The following CILK1 variants were observed in gnomAD, a reference collection of about 807,000 sequenced individuals.
CILK1 encodes the protein ciliogenesis associated kinase 1, also known as serine/threonine-protein kinase ICK.
In CILK1, 47 loss-of-function variants were observed where a neutral mutation model predicts 79.2. The observed-to-expected ratio is 0.59, with a 90% CI of 0.47 to 0.76. CILK1 has a LOEUF of 0.76. Among genes scored for constraint, CILK1 ranks in the 30% least tolerant of loss-of-function variants. The pLI, the probability that CILK1 is intolerant of heterozygous loss-of-function variation, is 0.00. For synonymous variants in CILK1, 266 were observed against 275.9 expected (o/e 0.96, Z 0.36); for missense variants, 660 against 769.5 (o/e 0.86, Z 1.68).
chr6:53,060,310 G>A (rs576635308), intron 1 of CILK1, among the ~76,000 whole-genome samples: 24 of 152,304 alleles, frequency 1.6e-4, no homozygotes, highest in African/African-American at 4.8e-4. Context: ...AAGGACAGCA[G>A]GGGTCTACCT....
chr6:53,042,205 C>G (rs1766766460), intron 1 of CILK1, among the ~76,000 whole-genome samples: 1 of 152,138 alleles, frequency 6.6e-6, no homozygotes, highest in Non-Finnish European at 1.5e-5. Flanking sequence ...AAATAATGCT[C>G]TTTTCTAATT....
At chr6:53,045,384 T>TA (rs1332619702) in intron 1 of CILK1, among the ~76,000 whole-genome samples, 2 of 152,258 alleles carry the variant, frequency 1.3e-5, no homozygotes, top group Non-Finnish European at 2.9e-5. Context: ...TGGTTTGACT[T>TA]ACGATATTTT....
At chr6:53,042,035 A>G (rs895751121) in intron 1 of CILK1, among the ~76,000 whole-genome samples, 2 of 152,092 alleles carry the variant, frequency 1.3e-5, no homozygotes, top group Non-Finnish European at 2.9e-5. Context: ...TGCTGTAGGA[A>G]CTTAACTCTT....
chr6:53,024,033 T>C (rs896307528), intron 5 of CILK1, among the ~76,000 whole-genome samples: 4 of 152,204 alleles, frequency 2.6e-5, no homozygotes, highest in Non-Finnish European at 4.4e-5. Context: ...AAGGCATTGA[T>C]GAGATCAAAA....
At chr6:53,047,736 A>C (rs537798648) in intron 1 of CILK1, among the ~76,000 whole-genome samples, 1 of 152,204 alleles carries the variant, frequency 6.6e-6, no homozygotes, top group Admixed American at 6.5e-5. Context: ...GCAGAGACTA[A>C]TTAGGAGGTT....
intron 3 of CILK1, among the ~76,000 whole-genome samples, chr6:53,033,186 G>T (rs902916774): frequency 3.3e-5 from 5 of 152,212 alleles, no homozygotes; most frequent in African/African-American, 1.2e-4. Context: ...TTCTTACAAT[G>T]TGAGTTTGAG....
chr6:53,016,809 A>C (rs1764919358), intron 7 of CILK1, among the ~76,000 whole-genome samples: 2 of 152,218 alleles, frequency 1.3e-5, no homozygotes, highest in Admixed American at 1.3e-4. Flanking sequence ...GAATGATGGA[A>C]AATGCTAAAG....
intron 5 of CILK1, among the ~76,000 whole-genome samples, chr6:53,024,967 G>C (rs1484376538): frequency 6.6e-6 from 1 of 151,732 alleles, no homozygotes; most frequent in Admixed American, 6.6e-5. Flanking sequence ...CAAGTAGCTG[G>C]GATTACAGGC....
chr6:53,015,229 T>C (rs1269246123), intron 8 of CILK1, among the ~76,000 whole-genome samples: 3 of 152,216 alleles, frequency 2.0e-5, no homozygotes, highest in Non-Finnish European at 2.9e-5. Flanking sequence ...AGCAATGTAA[T>C]TGTCAGTGAG....
At chr6:53,035,311 C>T (rs1464956748) in intron 3 of CILK1, among the ~76,000 whole-genome samples, 1 of 150,332 alleles carries the variant, frequency 6.7e-6, no homozygotes, top group Non-Finnish European at 1.5e-5. Context: ...AAAGAATGAG[C>T]AGGTGGAAAA....
In CILK1 at chr6:53,003,431, C is replaced by T. The variant is rs1764036948; in HGVS notation, c.*1718G>A. 1 of 152,162 alleles carries T rather than the reference C, an allele frequency of 6.6e-6. No homozygotes were observed. Among genetic ancestry groups the T allele is most frequent in the Non-Finnish European group, 1.5e-5 (1 of 68,036 alleles). The allele number at this position is 152,162 out of a possible 1,614,324, so 9.4% of individuals were successfully genotyped here. A position where few individuals can be genotyped will look rare whatever the true frequency, so the allele number is the denominator to read the frequency against. On this transcript the variant is annotated 3_prime_UTR_variant, in exon 14 of 14. Transcript: ENST00000676107. ...AAGTGTCTATATTCATTTCACCTAT[C>T]ATTTTAACCTATAAAAATGATCACT...
chr6:53,048,198 A>T (rs1307341997), intron 1 of CILK1, among the ~76,000 whole-genome samples: 1 of 152,204 alleles, frequency 6.6e-6, no homozygotes, highest in Non-Finnish European at 1.5e-5. Flanking sequence ...CTTCAAGAGA[A>T]ATATTAAAGA....
chr6:53,031,228 A>G (rs1765942684), intron 4 of CILK1, 84 bp from the exon 5 acceptor site: 1 of 864,682 alleles, frequency 1.2e-6, no homozygotes, highest in Non-Finnish European at 2.0e-6. Flanking sequence ...ATTTGTCCAT[A>G]CAGGGGAGCT....
intron 1 of CILK1, among the ~76,000 whole-genome samples, chr6:53,058,922 T>TA (rs796842411): frequency 1.2e-3 from 173 of 142,058 alleles, no homozygotes; most frequent in African/African-American, 3.6e-3. Flanking sequence ...AGGAGCAGTA[T>TA]AAAAAAAAAA....
chr6:53,057,189 C>T (rs550564003), intron 1 of CILK1, among the ~76,000 whole-genome samples: 3 of 152,246 alleles, frequency 2.0e-5, no homozygotes, highest in Non-Finnish European at 4.4e-5. Context: ...ACTTTCCTTT[C>T]CGGTTCTCAG....
intron 4 of CILK1, among the ~76,000 whole-genome samples, chr6:53,031,619 C>T (rs567622166): frequency 1.3e-5 from 2 of 152,244 alleles, no homozygotes; most frequent in African/African-American, 2.4e-5. Flanking sequence ...AAATTACCGT[C>T]GCAGGTAAAT....
chr6:53,051,214 G>A (rs138919209), intron 1 of CILK1, among the ~76,000 whole-genome samples: 1,788 of 152,272 alleles, frequency 0.012, 33 homozygotes, highest in East Asian at 0.064. Context: ...AATTTTTCTT[G>A]TTAAGGACAT....
intron 2 of CILK1, among the ~76,000 whole-genome samples, chr6:53,038,468 A>C: frequency 6.6e-6 from 1 of 152,222 alleles, no homozygotes; most frequent in East Asian, 1.9e-4. Flanking sequence ...ACATATGGTT[A>C]CTTGCTATCA....
At chr6:53,059,495 T>C (rs1255281288) in intron 1 of CILK1, among the ~76,000 whole-genome samples, 1 of 151,952 alleles carries the variant, frequency 6.6e-6, no homozygotes, top group Non-Finnish European at 1.5e-5. Flanking sequence ...ATAAGAGAAG[T>C]AGACTTAGGC....
Sources: allele counts gnomAD v4.1 joint callset (sites outside exome capture counted in the v4.1 genomes callset), GRCh38; gene constraint gnomAD v4.1.1; transcripts MANE v1.5; gene names NCBI Gene and HGNC (gene_info 2026-07-23, HGNC 2026-07-21).